DNAAF4: variants seen among roughly 807,000 people sequenced by gnomAD.
The protein encoded by DNAAF4 is dynein axonemal assembly factor 4, also known as dynein assembly factor 4, axonemal.
Under a neutral mutation model 51.8 loss-of-function variants are expected in DNAAF4, and 43 were observed. The ratio of observed to expected loss-of-function variants is 0.83; its 90% CI spans 0.65 to 1.07. The LOEUF is 1.07. DNAAF4 is among the 50% of genes least tolerant of loss of function. The probability of loss-of-function intolerance (pLI) is 0.00; values close to 1 mark genes in which losing one functional copy is unlikely to be tolerated. For missense variants in DNAAF4, 581 were observed against 493.0 expected (o/e 1.18, Z -1.69); for synonymous variants, 194 against 165.6 (o/e 1.17, Z -1.32).
chr15:55,465,366 G>A (rs76516273), intron 5 of DNAAF4, among the ~76,000 whole-genome samples: 1 of 145,742 alleles, frequency 6.9e-6, no homozygotes, highest in South Asian at 2.2e-4. Flanking sequence ...CAACTAATGA[G>A]AAGATAAAGA....
chr15:55,496,522 G>C (rs1220252141), intron 3 of DNAAF4, among the ~76,000 whole-genome samples: 1 of 152,118 alleles, frequency 6.6e-6, no homozygotes, highest in Non-Finnish European at 1.5e-5. Context: ...GTAAAAAAAG[G>C]GTAATAATAC....
rs2058675204 is a variant in DNAAF4, at chr15:55,498,868, G to T, written c.-255-284C>A. Among the ~76,000 whole-genome samples, 3 of 146,930 alleles carry T rather than the reference G, an allele frequency of 2.0e-5. No homozygotes were observed. The South Asian group carries it at 6.4e-4, about 31-fold the overall frequency. On this transcript the variant is annotated intron_variant, in intron 1 of 9. Transcript: ENST00000321149. The stretch of plus-strand genomic sequence containing the variant: ...AGGGGTCGCAGTGAGCCGAAATCGC[G>T]CCATTGCACTCCAGCCTGGGAAACA...
intron 7 of DNAAF4, chr15:55,418,440 A>G (rs1474187522): frequency 2.6e-6 from 4 of 1,523,146 alleles, no homozygotes; most frequent in African/African-American, 2.8e-5. Flanking sequence ...TTCCCCTGCA[A>G]TTATACTCCA....
intron 1 of DNAAF4, among the ~76,000 whole-genome samples, chr15:55,500,671 T>C (rs1018397539): frequency 6.6e-6 from 1 of 152,150 alleles, no homozygotes; most frequent in Non-Finnish European, 1.5e-5. Context: ...ACTAAACTTT[T>C]AGACTCTGAA....
intron 6 of DNAAF4, among the ~76,000 whole-genome samples, chr15:55,440,840 C>G (rs2057699103): frequency 6.6e-6 from 1 of 151,790 alleles, no homozygotes; most frequent in Non-Finnish European, 1.5e-5. Context: ...CGCCACCATG[C>G]CCAGCTAATT....
chr15:55,489,918 G>T (rs1312750457), intron 4 of DNAAF4, among the ~76,000 whole-genome samples: 1 of 148,746 alleles, frequency 6.7e-6, no homozygotes, highest in East Asian at 2.0e-4. Context: ...CTGTCGCCCA[G>T]GCTGGAGTGC....
At chr15:55,473,323 GTATA>G (rs1487770750) in intron 4 of DNAAF4, among the ~76,000 whole-genome samples, 1 of 139,922 alleles carries the variant, frequency 7.1e-6, no homozygotes, top group Non-Finnish European at 1.5e-5. Flanking sequence ...ATATATGTGT[GTATA>G]TATATGTGTG....
At chr15:55,454,639 A>AAGTGCT (rs1390744978) in intron 5 of DNAAF4, among the ~76,000 whole-genome samples, 1 of 152,120 alleles carries the variant, frequency 6.6e-6, no homozygotes, top group Non-Finnish European at 1.5e-5. Flanking sequence ...CAGCCTCCCA[A>AAGTGCT]AGTGCTGAGA....
In DNAAF4 at chr15:55,489,422, C is replaced by T. The variant is rs146542632; in HGVS notation, c.405+1701G>A. On this transcript the variant is annotated intron_variant, in intron 4 of 9. Coordinates refer to ENST00000321149, the MANE Select transcript of DNAAF4 (RefSeq NM_130810.4). ...AGTGCGGTGACTCATGCCTGTAATC[C>T]CAACACTTTGGGAGGCCAAGGCGGG... is the stretch of plus-strand genomic sequence containing the variant. 4.4e-3 allele frequency among the ~76,000 whole-genome samples: 668 copies of T among 152,100 alleles called. 5 individuals are homozygous for T. Among genetic ancestry groups the T allele is most frequent in the African/African-American group, 0.015 (621 of 41,496 alleles).
chr15:55,456,184 G>GA (rs2058018032), intron 5 of DNAAF4, among the ~76,000 whole-genome samples: 1 of 151,436 alleles, frequency 6.6e-6, no homozygotes, highest in Non-Finnish European at 1.5e-5. Context: ...GGGTTCAAGC[G>GA]ATTCTCCTGC....
intron 4 of DNAAF4, among the ~76,000 whole-genome samples, chr15:55,468,150 A>AT (rs1250153144): frequency 1.3e-5 from 2 of 152,168 alleles, no homozygotes; most frequent in African/African-American, 4.8e-5. Context: ...ATTAATTTAC[A>AT]TTTAAATAGG....
chr15:55,418,266 A>G (rs2057354814), intron 7 of DNAAF4: 1 of 1,554,426 alleles, frequency 6.4e-7, no homozygotes, highest in Non-Finnish European at 8.7e-7. Context: ...ACAGAAATGA[A>G]ATCTGAACAA....
Position 55,498,347 on chromosome 15 carries a change from C to T in DNAAF4, c.-18G>A, listed in dbSNP as rs376927167. 3 of 1,592,870 alleles carry T rather than the reference C, an allele frequency of 1.9e-6. No homozygotes were observed. Among genetic ancestry groups the T allele is most frequent in the Admixed American group, 3.5e-5 (2 of 57,742 alleles). ...AGAGGCATTCCGGTAGCAACGGGAG[C>T]GGATAGCGCGGCTGGTTGCTTCTTG... is the stretch of plus-strand genomic sequence containing the variant. On this transcript the variant is annotated 5_prime_UTR_variant, in exon 2 of 10. Coordinates refer to ENST00000321149, the MANE Select transcript of DNAAF4 (RefSeq NM_130810.4).
At chr15:55,472,803 G>T (rs1019660285) in intron 4 of DNAAF4, among the ~76,000 whole-genome samples, 1 of 151,936 alleles carries the variant, frequency 6.6e-6, no homozygotes, top group Non-Finnish European at 1.5e-5. Flanking sequence ...TGAATGTCTG[G>T]TCAACAAGGC....
At chr15:55,439,023 C>T (rs960579502) in intron 7 of DNAAF4, among the ~76,000 whole-genome samples, 15 of 152,108 alleles carry the variant, frequency 9.9e-5, no homozygotes, top group Admixed American at 2.0e-4. Context: ...TATGGATGCC[C>T]TGTCTACCTT....
Position 55,430,548 on chromosome 15 carries a change from C to T in DNAAF4, c.*122G>A, listed in dbSNP as rs2141394589. ...TTTCTATAGATTTATAATATTTTGCCCTCAACAGAACTAAAGTACTAAACA... is the reference window on the plus strand; with the variant it reads ...TTTCTATAGATTTATAATATTTTGCTCTCAACAGAACTAAAGTACTAAACA... On this transcript the variant is annotated 3_prime_UTR_variant, in exon 10 of 10. Coordinates refer to ENST00000321149, the MANE Select transcript of DNAAF4 (RefSeq NM_130810.4). 1 of 1,321,788 alleles carries T rather than the reference C, an allele frequency of 7.6e-7. No homozygotes were observed. The highest frequency in any genetic ancestry group is 2.0e-5 in the South Asian group (1 of 49,654). The allele number at this position is 1,321,788 out of a possible 1,614,324, so 81.9% of individuals were successfully genotyped here.
chr15:55,448,716 C>T (rs1054420034), intron 6 of DNAAF4, among the ~76,000 whole-genome samples: 1 of 151,270 alleles, frequency 6.6e-6, no homozygotes, highest in Non-Finnish European at 1.5e-5. Flanking sequence ...AAAAACTACA[C>T]AAAATTAGCT....
chr15:55,441,505 C>G (rs892822359), intron 6 of DNAAF4, among the ~76,000 whole-genome samples: 3 of 151,958 alleles, frequency 2.0e-5, no homozygotes, highest in Admixed American at 1.3e-4. Flanking sequence ...TGTTGGTGTG[C>G]TGCACCCATT....
intron 5 of DNAAF4, among the ~76,000 whole-genome samples, chr15:55,456,682 C>T (rs986265048): frequency 1.3e-5 from 2 of 152,152 alleles, no homozygotes; most frequent in African/African-American, 4.8e-5. Context: ...GCTGAAAAAC[C>T]GTGAGTTCCC....
Sources: allele counts gnomAD v4.1 joint callset (sites outside exome capture counted in the v4.1 genomes callset), GRCh38; gene constraint gnomAD v4.1.1; transcripts MANE v1.5; gene names NCBI Gene and HGNC (gene_info 2026-07-23, HGNC 2026-07-21).